Variants in IL34 observed in about 807,000 individuals in gnomAD.
IL34 encodes interleukin 34, also known as interleukin-34.
IL34 carries 17 observed loss-of-function variants against 25.3 expected under a neutral mutation model. That is an observed-to-expected ratio of 0.67 (90% confidence interval 0.46 to 1.01). The LOEUF (loss-of-function observed/expected upper bound fraction) is 1.01, where lower values mean the gene tolerates loss of function less well. Ranked by LOEUF, IL34 falls within the 50% of genes least tolerant of loss-of-function variation. IL34 has a pLI of 0.00. For synonymous variants in IL34, 174 were observed against 140.9 expected (o/e 1.23, Z -1.66); for missense variants, 368 against 312.9 (o/e 1.18, Z -1.33).
intron 1 of IL34, among the ~76,000 whole-genome samples, chr16:70,620,191 C>A (rs2051250527): frequency 1.3e-5 from 2 of 152,078 alleles, no homozygotes; most frequent in South Asian, 2.1e-4. Flanking sequence ...AATAAGATGG[C>A]CTTTTGACCT....
intron 1 of IL34, among the ~76,000 whole-genome samples, chr16:70,650,455 C>A (rs1472185021): frequency 6.6e-6 from 1 of 152,126 alleles, no homozygotes; most frequent in Non-Finnish European, 1.5e-5. Context: ...CAGTCCCTGC[C>A]TTGAGGCCAC....
rs10693048 is a variant in IL34, at chr16:70,581,937, A to C, written c.-401+1888A>C. ...GTCTCTACAAAAACAAAAAACAAAA[A>C]CAAAAACAAACAAAAACTTTTTAGG... On this transcript the variant is annotated intron_variant, in intron 1 of 6. Coordinates refer to the IL34 transcript ENST00000429149. Among the ~76,000 whole-genome samples the C allele has an allele frequency of 1.1e-4, 17 of 151,864 alleles. No individual in the cohort carries two copies. In the East Asian group the frequency reaches 1.2e-3, roughly 10 times the overall value.
At chr16:70,635,736 A>G (rs1452019945) in intron 1 of IL34, among the ~76,000 whole-genome samples, 1 of 152,200 alleles carries the variant, frequency 6.6e-6, no homozygotes, top group Non-Finnish European at 1.5e-5. Flanking sequence ...TGATTCAAAT[A>G]TAAAAGAAAA....
At chr16:70,659,572 T>A (rs745340705) in intron 4 of IL34, 46 bp from the exon 5 acceptor site, 2 of 1,563,168 alleles carry the variant, frequency 1.3e-6, no homozygotes, top group East Asian at 4.5e-5. Flanking sequence ...TCTCCTGGGG[T>A]GCGGCCCCAT....
At chr16:70,649,265 G>A in intron 1 of IL34, among the ~76,000 whole-genome samples, 1 of 152,220 alleles carries the variant, frequency 6.6e-6, no homozygotes, top group East Asian at 1.9e-4. Context: ...CTGAGGAGCA[G>A]CTCGGGGCCT....
intron 1 of IL34, among the ~76,000 whole-genome samples, chr16:70,615,460 T>C (rs1255310872): frequency 6.6e-6 from 1 of 151,990 alleles, no homozygotes; most frequent in African/African-American, 2.4e-5. Flanking sequence ...TAAGCCGAGA[T>C]TGCGCCACTG....
At chr16:70,636,607 AC>A in intron 1 of IL34, among the ~76,000 whole-genome samples, 1 of 151,156 alleles carries the variant, frequency 6.6e-6, no homozygotes, top group African/African-American at 2.4e-5. Flanking sequence ...ACACACACAC[AC>A]ACACACACAC....
chr16:70,585,837 GTTT>G (rs71151194), intron 1 of IL34, among the ~76,000 whole-genome samples: 5 of 132,162 alleles, frequency 3.8e-5, no homozygotes, highest in Non-Finnish European at 8.1e-5. Context: ...CAGCCTCCTT[GTTT>G]TTTTTTTTTT....
At chr16:70,643,210 G>A (rs550116370), upstream of IL34, among the ~76,000 whole-genome samples, 76 of 152,008 alleles carry the variant, frequency 5.0e-4, no homozygotes, top group Middle Eastern at 3.4e-3. Context: ...TTACAGGTGC[G>A]CACCACCGTG....
chr16:70,605,408 T>C (rs1456096561), intron 1 of IL34, among the ~76,000 whole-genome samples: 1 of 152,170 alleles, frequency 6.6e-6, no homozygotes, highest in Non-Finnish European at 1.5e-5. Context: ...AAGTGTACAA[T>C]TCAGTCACAT....
At chr16:70,610,884 A>AT (rs1168051126) in intron 1 of IL34, among the ~76,000 whole-genome samples, 9 of 152,230 alleles carry the variant, frequency 5.9e-5, no homozygotes, top group Non-Finnish European at 1.0e-4. Flanking sequence ...CTGAGGGCAG[A>AT]TTCCAAGATT....
At chr16:70,620,044 T>C (rs1027914723) in intron 1 of IL34, among the ~76,000 whole-genome samples, 11 of 152,066 alleles carry the variant, frequency 7.2e-5, no homozygotes, top group African/African-American at 2.7e-4. Flanking sequence ...AGGCAAGGAA[T>C]TGCAACTTTT....
chr16:70,638,686 C>T (rs987510150), intron 1 of IL34, among the ~76,000 whole-genome samples: 3 of 152,106 alleles, frequency 2.0e-5, no homozygotes, highest in East Asian at 3.9e-4. Context: ...CAGCTTGGAC[C>T]TCCCGGGGTC....
intron 2 of IL34, 93 bp from the exon 3 acceptor site, chr16:70,656,509 A>G: frequency 1.2e-6 from 1 of 813,528 alleles, no homozygotes; most frequent in Non-Finnish European, 2.2e-6. Flanking sequence ...ACAGAGTGAG[A>G]CTAACTGTTA....
Position 70,616,446 on chromosome 16 carries a change from T to A in IL34, c.-400-30102T>A, listed in dbSNP as rs187760346. Among the ~76,000 whole-genome samples, 558 of 152,360 alleles carry A rather than the reference T, an allele frequency of 3.7e-3. 2 individuals are homozygous for A. Among genetic ancestry groups the A allele is most frequent in the Middle Eastern group, 0.034 (10 of 294 alleles). ...TAAATTTGTTATGAAAAAATTTTAATTTATAATGTGTTTAAGGCCTATGTA... is the reference window on the plus strand; with the variant it reads ...TAAATTTGTTATGAAAAAATTTTAAATTATAATGTGTTTAAGGCCTATGTA... On this transcript the variant is annotated intron_variant, in intron 1 of 6. Transcript: ENST00000429149.
chr16:70,634,465 A>C (rs1261358975), intron 1 of IL34, among the ~76,000 whole-genome samples: 1 of 152,084 alleles, frequency 6.6e-6, no homozygotes, highest in African/African-American at 2.4e-5. Flanking sequence ...TGATCACCTG[A>C]GGTCAGGAGT....
intron 1 of IL34, among the ~76,000 whole-genome samples, chr16:70,615,233 G>A (rs1358796203): frequency 6.6e-6 from 1 of 152,206 alleles, no homozygotes; most frequent in East Asian, 1.9e-4. Context: ...CACTGGCCAG[G>A]TGTGGTGGCT....
upstream of IL34, among the ~76,000 whole-genome samples, chr16:70,644,871 AGGAAGAGGAAGGAGGT>A (rs1567460834): frequency 1.7e-4 from 23 of 136,290 alleles, no homozygotes; most frequent in African/African-American, 5.6e-4. Flanking sequence ...AGGAGGAAGT[AGGAAGAGGAAGGAGGT>A]GGAAGAGGAA....
intron 1 of IL34, among the ~76,000 whole-genome samples, chr16:70,585,908 A>T (rs1597732938): frequency 6.7e-6 from 1 of 148,158 alleles, no homozygotes; most frequent in East Asian, 2.0e-4. Context: ...ATCTCGGCTC[A>T]CTGCAAGCTC....
Sources: allele counts gnomAD v4.1 joint callset (sites outside exome capture counted in the v4.1 genomes callset), GRCh38; gene constraint gnomAD v4.1.1; transcripts MANE v1.5; gene names NCBI Gene and HGNC (gene_info 2026-07-23, HGNC 2026-07-21).